The following SRGAP1 variants were observed in gnomAD, a reference collection of about 807,000 sequenced individuals.
SRGAP1 encodes SLIT-ROBO Rho GTPase activating protein 1.
Under a neutral mutation model 121.9 loss-of-function variants are expected in SRGAP1, and 43 were observed. That is an observed-to-expected ratio of 0.35 (90% CI 0.28 to 0.46). The LOEUF (loss-of-function observed/expected upper bound fraction) is 0.46. Among genes scored for constraint, SRGAP1 ranks in the 20% least tolerant of loss-of-function variants. SRGAP1 has a pLI of 1.00. For missense variants in SRGAP1, 1,102 were observed against 1,350.9 expected (o/e 0.82, Z 2.89); for synonymous variants, 447 against 485.4 (o/e 0.92, Z 1.04).
chr12:64,065,331 G>A (rs1038470912), intron 8 of SRGAP1, 112 bp downstream of exon 8: 84 of 907,114 alleles, frequency 9.3e-5, no homozygotes, highest in Non-Finnish European at 5.5e-5. Context: ...TCTTCATCAC[G>A]TATTTCCTGC....
intron 1 of SRGAP1, among the ~76,000 whole-genome samples, chr12:63,913,454 CATATAT>C (rs570506869): frequency 4.0e-5 from 5 of 124,108 alleles, no homozygotes; most frequent in South Asian, 2.8e-4. Flanking sequence ...ACTGTGTCCA[CATATAT>C]ATATATATAT....
intron 1 of SRGAP1, among the ~76,000 whole-genome samples, chr12:63,972,411 C>G (rs956828417): frequency 6.6e-6 from 1 of 152,010 alleles, no homozygotes; most frequent in Non-Finnish European, 1.5e-5. Flanking sequence ...TAGGAGAAAC[C>G]TTATAGGGTT....
chr12:63,919,276 T>C (rs919620788), intron 1 of SRGAP1, among the ~76,000 whole-genome samples: 6 of 152,088 alleles, frequency 3.9e-5, no homozygotes, highest in Non-Finnish European at 8.8e-5. Context: ...CAGGCTGATC[T>C]GGAACTCCTG....
At chr12:63,966,354 G>C (rs2032790396) in intron 1 of SRGAP1, among the ~76,000 whole-genome samples, 1 of 152,072 alleles carries the variant, frequency 6.6e-6, no homozygotes, top group South Asian at 2.1e-4. Context: ...TAATGAGATT[G>C]ATTTCAGTTG....
At chr12:63,999,194 G>T (rs1052610080) in intron 3 of SRGAP1, among the ~76,000 whole-genome samples, 6 of 152,178 alleles carry the variant, frequency 3.9e-5, no homozygotes, top group African/African-American at 1.4e-4. Flanking sequence ...GAGGAAAAAG[G>T]TGTTCTTTGT....
chr12:64,067,486 A>G (rs539715947), intron 8 of SRGAP1, among the ~76,000 whole-genome samples: 2 of 152,196 alleles, frequency 1.3e-5, no homozygotes, highest in African/African-American at 4.8e-5. Flanking sequence ...GTAATTTTTA[A>G]ACATTAGCTG....
rs184217842 is a variant in SRGAP1, at chr12:64,000,875, A to G, written c.426+10803A>G. On this transcript the variant is annotated intron_variant, in intron 3 of 21. Coordinates refer to ENST00000355086, the MANE Select transcript of SRGAP1 (RefSeq NM_020762.4). ...AACATCTCATAAGCAAGAGGAGAAG[A>G]AAGAATGGTCTATTGGGAAAATAAG... is the stretch of plus-strand genomic sequence containing the variant. Among the ~76,000 whole-genome samples the G allele has an allele frequency of 1.4e-3, 211 of 152,328 alleles. 1 individual carries two copies. Among genetic ancestry groups the G allele is most frequent in the Middle Eastern group, 3.4e-3 (1 of 294 alleles).
intron 1 of SRGAP1, among the ~76,000 whole-genome samples, chr12:63,914,789 CT>C (rs1213841420): frequency 5.3e-5 from 8 of 149,728 alleles, no homozygotes; most frequent in Non-Finnish European, 8.9e-5. Flanking sequence ...TTTTTCCGTA[CT>C]TTTTTTTTTC....
intron 8 of SRGAP1, among the ~76,000 whole-genome samples, chr12:64,067,531 T>C (rs17711374): frequency 0.044 from 6,778 of 152,318 alleles, 244 homozygotes; most frequent in Non-Finnish European, 0.066. Flanking sequence ...CTAATGTTTC[T>C]TGTGAGCATG....
chr12:64,050,497 G>A (rs1269139560), intron 6 of SRGAP1, among the ~76,000 whole-genome samples: 3 of 151,998 alleles, frequency 2.0e-5, no homozygotes, highest in Non-Finnish European at 2.9e-5. Context: ...AGTATGAAAT[G>A]ATATTTTACA....
intron 4 of SRGAP1, 101 bp downstream of exon 4, chr12:64,017,113 A>T (rs2034424028): frequency 1.5e-6 from 1 of 678,146 alleles, no homozygotes; most frequent in East Asian, 2.7e-5. Context: ...CAGAGTGACA[A>T]TGGATCCTCA....
intron 1 of SRGAP1, among the ~76,000 whole-genome samples, chr12:63,883,881 A>C (rs1900278833): frequency 6.6e-6 from 1 of 150,630 alleles, no homozygotes; most frequent in Non-Finnish European, 1.5e-5. Context: ...GATGGTCTGC[A>C]TCTCCTGACG....
intron 1 of SRGAP1, among the ~76,000 whole-genome samples, chr12:63,949,585 G>A (rs1287181354): frequency 6.6e-6 from 1 of 151,620 alleles, no homozygotes; most frequent in African/African-American, 2.4e-5. Flanking sequence ...CTGCCACCAC[G>A]TCCAGCTAAT....
intron 1 of SRGAP1, among the ~76,000 whole-genome samples, chr12:63,977,765 G>A (rs914383707): frequency 2.6e-5 from 4 of 151,736 alleles, no homozygotes; most frequent in African/African-American, 7.3e-5. Flanking sequence ...GATTCATTCC[G>A]TAGTGATGCT....
At chr12:63,938,043 A>C (rs2031728212) in intron 1 of SRGAP1, among the ~76,000 whole-genome samples, 1 of 152,206 alleles carries the variant, frequency 6.6e-6, no homozygotes, top group African/African-American at 2.4e-5. Flanking sequence ...TGTGTGGACT[A>C]AGCCATGTGT....
chr12:64,063,174 C>T (rs752007273), intron 7 of SRGAP1, 36 bp downstream of exon 7: 11 of 1,530,508 alleles, frequency 7.2e-6, no homozygotes, highest in African/African-American at 1.4e-5. Context: ...AATGAATTGT[C>T]TCTTCACTTA....
At chr12:64,040,609 T>C (rs1030344354) in intron 4 of SRGAP1, among the ~76,000 whole-genome samples, 1 of 152,210 alleles carries the variant, frequency 6.6e-6, no homozygotes, top group Admixed American at 6.5e-5. Flanking sequence ...GAAAGCATAC[T>C]GAAATTATAT....
At chr12:63,986,107 C>T (rs1331970892) in intron 2 of SRGAP1, among the ~76,000 whole-genome samples, 2 of 152,044 alleles carry the variant, frequency 1.3e-5, no homozygotes, top group East Asian at 3.9e-4. Flanking sequence ...TCTCTTTTCT[C>T]TCTTCTCTTT....
Position 64,111,979 on chromosome 12 carries a change from G to A in SRGAP1, c.2137G>A (p.Asp713Asn). The A allele has an allele frequency of 6.2e-7, 1 of 1,613,184 alleles. No individual in the cohort carries two copies. The change falls in exon 17 of 22, where the codon GAC becomes AAC. Residue 713 changes from aspartate to asparagine, a missense_variant. Asp to Asn is a conservative substitution (Grantham distance 23). Transcript: ENST00000355086. Reference protein sequence around the residue: ...PVYEKCMAGDDYCDSPYSEHG... With the variant: ...PVYEKCMAGDNYCDSPYSEHG... ...TTATGAGAAATGTATGGCTGGAGAT[G>A]ACTATTGGTAAGTCTAAGAATTTTA...
Sources: gnomAD v4.1 joint callset for allele counts (sites outside exome capture counted in the v4.1 genomes callset) on GRCh38, gnomAD v4.1.1 for gene constraint, MANE v1.5 for transcripts, NCBI Gene and HGNC (gene_info 2026-07-23, HGNC 2026-07-21) for gene names.